The following GNAQ variants were observed in gnomAD, a reference collection of about 807,000 sequenced individuals.
GNAQ encodes guanine nucleotide-binding protein G(q) subunit alpha.
GNAQ carries 8 observed loss-of-function variants against 43.9 expected under a neutral mutation model. The ratio of observed to expected loss-of-function variants is 0.18; its 90% confidence interval spans 0.11 to 0.33. The LOEUF is 0.33. Ranked by LOEUF, GNAQ falls within the 10% of genes least tolerant of loss-of-function variation. GNAQ has a pLI of 1.00. For missense variants in GNAQ, 158 were observed against 450.8 expected, an observed-to-expected ratio of 0.35 and a Z score of 5.88; for synonymous variants, 155 against 170.7, an observed-to-expected ratio of 0.91 and a Z score of 0.71.
At chr9:78,013,923 T>G (rs1823805440) in intron 1 of GNAQ, among the ~76,000 whole-genome samples, 1 of 152,114 alleles carries the variant, frequency 6.6e-6, no homozygotes, top group South Asian at 2.1e-4. Context: ...ATCTAACCCT[T>G]AAAGTTTGCT....
At chr9:77,975,639 A>C (rs1823291590) in intron 1 of GNAQ, among the ~76,000 whole-genome samples, 1 of 150,256 alleles carries the variant, frequency 6.7e-6, no homozygotes, top group South Asian at 2.1e-4. Flanking sequence ...TCCCAGGTTC[A>C]AGCAATTCTT....
intron 2 of GNAQ, among the ~76,000 whole-genome samples, chr9:77,832,951 C>A (rs895467873): frequency 1.3e-5 from 2 of 151,872 alleles, no homozygotes; most frequent in African/African-American, 4.9e-5. Context: ...GAAGGAAAGG[C>A]ACTTTATTTT....
intron 1 of GNAQ, among the ~76,000 whole-genome samples, chr9:78,002,873 C>T (rs868602052): frequency 2.6e-5 from 4 of 152,168 alleles, no homozygotes; most frequent in South Asian, 4.1e-4. Flanking sequence ...CTTTGAGGGC[C>T]GGTAGAAAAT....
At chr9:77,728,370 G>T in intron 6 of GNAQ, 144 bp downstream of exon 6, 1 of 677,722 alleles carries the variant, frequency 1.5e-6, no homozygotes, top group Non-Finnish European at 2.6e-6. Flanking sequence ...GGGCAAACAA[G>T]AATTCCTACT....
chr9:78,025,923 T>C lies in GNAQ; in HGVS notation c.136+5177A>G, dbSNP rs552864007. 3.9e-5 allele frequency among the ~76,000 whole-genome samples: 6 copies of C among 152,302 alleles called. No individual in the cohort carries two copies. In the South Asian group the frequency reaches 1.0e-3, roughly 26 times the overall value. On this transcript the variant is annotated intron_variant, in intron 1 of 6. Coordinates refer to ENST00000286548, the MANE Select transcript of GNAQ (RefSeq NM_002072.5). The stretch of plus-strand genomic sequence containing the variant: ...ATCTGTTCCTTTTTTCTGCTAAGTT[T>C]AGCATAGCACGCAGCCTCACAACTG...
chr9:78,016,618 G>T (rs1056900047), intron 1 of GNAQ, among the ~76,000 whole-genome samples: 1 of 151,678 alleles, frequency 6.6e-6, no homozygotes, highest in African/African-American at 2.4e-5. Context: ...GGAGGCGGAG[G>T]TTGCAGTGAG....
intron 2 of GNAQ, among the ~76,000 whole-genome samples, chr9:77,880,528 G>C (rs1004900172): frequency 1.3e-5 from 2 of 149,872 alleles, no homozygotes; most frequent in South Asian, 4.3e-4. Context: ...CTACAGATAT[G>C]TGCCCCACAC....
At chr9:77,800,342 G>T (rs2118466377) in intron 3 of GNAQ, among the ~76,000 whole-genome samples, 1 of 152,024 alleles carries the variant, frequency 6.6e-6, no homozygotes, top group African/African-American at 2.4e-5. Context: ...AACAATGATA[G>T]ACTGGATTAA....
intron 1 of GNAQ, among the ~76,000 whole-genome samples, chr9:78,013,603 A>G (rs1465065676): frequency 1.3e-5 from 2 of 152,182 alleles, no homozygotes; most frequent in South Asian, 2.1e-4. Context: ...AATATATAAA[A>G]TAAAATGTGT....
intron 5 of GNAQ, 94 bp downstream of exon 5, chr9:77,794,369 G>GT: frequency 1.2e-6 from 1 of 818,880 alleles, no homozygotes; most frequent in South Asian, 2.4e-5. Context: ...AAGCAAAGAA[G>GT]TAAGTTCACT....
intron 1 of GNAQ, among the ~76,000 whole-genome samples, chr9:77,926,918 T>C (rs1046915197): frequency 6.6e-6 from 1 of 152,188 alleles, no homozygotes; most frequent in African/African-American, 2.4e-5. Flanking sequence ...CTAATTTTTC[T>C]TCCCTATTCG....
At chr9:77,975,213 C>T (rs1288420917) in intron 1 of GNAQ, among the ~76,000 whole-genome samples, 1 of 152,192 alleles carries the variant, frequency 6.6e-6, no homozygotes, top group Non-Finnish European at 1.5e-5. Flanking sequence ...CAAACGAAAA[C>T]ATTTAAGTGC....
At chr9:77,861,800 G>T (rs1332714767) in intron 2 of GNAQ, among the ~76,000 whole-genome samples, 1 of 152,232 alleles carries the variant, frequency 6.6e-6, no homozygotes, top group East Asian at 1.9e-4. Flanking sequence ...AGGAGTTCGA[G>T]ACCAGCCTGG....
At chr9:77,768,571 T>C (rs890778443) in intron 5 of GNAQ, among the ~76,000 whole-genome samples, 1 of 152,196 alleles carries the variant, frequency 6.6e-6, no homozygotes, top group Non-Finnish European at 1.5e-5. Context: ...TGAGTTTCAC[T>C]CTAAGACAAT....
chr9:77,885,284 GC>G (rs936245363), intron 2 of GNAQ, among the ~76,000 whole-genome samples: 99 of 152,264 alleles, frequency 6.5e-4, no homozygotes, highest in African/African-American at 2.3e-3. Flanking sequence ...AGCTCAAGGA[GC>G]CGGGGAAGGC....
chr9:77,770,430 G>A (rs773922366), intron 5 of GNAQ, among the ~76,000 whole-genome samples: 3 of 152,124 alleles, frequency 2.0e-5, no homozygotes, highest in African/African-American at 2.4e-5. Flanking sequence ...CAGAAAACTC[G>A]AGGCCAGTGC....
intron 2 of GNAQ, among the ~76,000 whole-genome samples, chr9:77,875,179 A>T (rs1163453687): frequency 1.3e-5 from 2 of 152,176 alleles, no homozygotes; most frequent in African/African-American, 4.8e-5. Flanking sequence ...CTCAAATCTA[A>T]AGATGGTCGG....
intron 5 of GNAQ, among the ~76,000 whole-genome samples, chr9:77,761,167 G>A (rs1826006332): frequency 6.9e-6 from 1 of 144,682 alleles, no homozygotes; most frequent in African/African-American, 2.5e-5. Context: ...GGGAGGTGGG[G>A]GGGTCAGCCT....
chr9:78,004,141 C>T (rs1823677024), intron 1 of GNAQ, among the ~76,000 whole-genome samples: 1 of 151,860 alleles, frequency 6.6e-6, no homozygotes, highest in East Asian at 1.9e-4. Context: ...GTAGGGATGG[C>T]CACCCGAGAA....
Sources: allele counts gnomAD v4.1 joint callset (sites outside exome capture counted in the v4.1 genomes callset), GRCh38; gene constraint gnomAD v4.1.1; transcripts MANE v1.5; gene names NCBI Gene and HGNC (gene_info 2026-07-23, HGNC 2026-07-21).